The following ZNF253 variants were observed in gnomAD, a reference collection of about 807,000 sequenced individuals.
The protein encoded by ZNF253 is zinc finger protein 253.
In ZNF253, 8 loss-of-function variants were observed where a neutral mutation model predicts 11.9. That is an observed-to-expected ratio of 0.67 (90% CI 0.40 to 1.22). The LOEUF is 1.22. Among genes scored for constraint, ZNF253 ranks in the 50% most tolerant of loss-of-function variants. The probability of loss-of-function intolerance (pLI) is 0.01; values close to 1 mark genes in which losing one functional copy is unlikely to be tolerated. For synonymous variants in ZNF253, 194 were observed against 194.9 expected (o/e 1.00, Z 0.04); for missense variants, 485 against 586.9 (o/e 0.83, Z 1.79).
chr19:19,885,260 T>TGAGA (rs1568498646), intron 3 of ZNF253, among the ~76,000 whole-genome samples: 1 of 67,998 alleles, frequency 1.5e-5, no homozygotes, highest in African/African-American at 2.0e-4. Context: ...TCTTTCTTTC[T>TGAGA]TTCTTTCTTT....
chr19:19,891,344 A>G, intron 3 of ZNF253, 130 bp from the exon 4 acceptor site: 1 of 754,920 alleles, frequency 1.3e-6, no homozygotes, highest in Non-Finnish European at 2.1e-6. Flanking sequence ...TCCAGGAAGA[A>G]ATCAGAACTG....
At chr19:19,869,146 A>G (rs894394662) in intron 1 of ZNF253, among the ~76,000 whole-genome samples, 2 of 152,216 alleles carry the variant, frequency 1.3e-5, no homozygotes, top group African/African-American at 4.8e-5. Context: ...AAATTTAGCA[A>G]TGCAGAATGC....
chr19:19,872,137 T>C (rs1397819498), intron 1 of ZNF253, among the ~76,000 whole-genome samples: 1 of 152,164 alleles, frequency 6.6e-6, no homozygotes, highest in Non-Finnish European at 1.5e-5. Flanking sequence ...GAATGACTCT[T>C]GCATCTTCAG....
At chr19:19,882,815 C>T (rs909288487) in intron 3 of ZNF253, among the ~76,000 whole-genome samples, 3 of 151,256 alleles carry the variant, frequency 2.0e-5, no homozygotes, top group African/African-American at 7.3e-5. Context: ...ACTAAAAATA[C>T]AAAAAATTAG....
At chr19:19,889,968 T>C (rs2063221832) in intron 3 of ZNF253, among the ~76,000 whole-genome samples, 1 of 152,248 alleles carries the variant, frequency 6.6e-6, no homozygotes, top group Non-Finnish European at 1.5e-5. Context: ...TTTTAAAAAT[T>C]ACTTTATTCA....
Position 19,886,623 on chromosome 19 carries a change from C to T in ZNF253, c.227-4851C>T, listed in dbSNP as rs555033959. On this transcript the variant is annotated intron_variant, in intron 3 of 3. Transcript: ENST00000589717. ...CATTAAAAGAACCTGGGTCCTTCACCTCACACTTGCTCTGTCTCTTACCAT... is the reference window on the plus strand; with the variant it reads ...CATTAAAAGAACCTGGGTCCTTCACTTCACACTTGCTCTGTCTCTTACCAT... Among the ~76,000 whole-genome samples the T allele has an allele frequency of 9.2e-5, 14 of 152,266 alleles. No homozygotes were observed. In the East Asian group the frequency reaches 2.7e-3, roughly 29 times the overall value.
rs2063164765 is a variant in ZNF253 at position 19,878,504 on chromosome 19, G to A, written c.27G>A (p.Val9=). 2.5e-6 allele frequency: 4 copies of A among 1,613,944 alleles called. No homozygotes were observed. The highest frequency in any genetic ancestry group is 1.1e-5 in the South Asian group (1 of 91,082). The change falls in exon 2 of 4, where the codon GTG becomes GTA. Residue 9 remains valine, a synonymous_variant. Transcript: ENST00000589717. The stretch of plus-strand genomic sequence containing the variant: ...AGGGACCATTGCAATTTAGAGATGT[G>A]GCCATAGAATTCTCTCTGGAGGAGT... MGPLQFRD[V]AIEFSLEEWH... is the part of the protein sequence containing the mutation.
At chr19:19,880,221 T>A in intron 3 of ZNF253, 75 bp downstream of exon 3, 1 of 1,102,936 alleles carries the variant, frequency 9.1e-7, no homozygotes, top group Non-Finnish European at 1.3e-6. Context: ...AACCAGTCTT[T>A]AAAATGTGAT....
chr19:19,891,565 A>G lies in ZNF253; in HGVS notation c.318A>G (p.Arg106=), dbSNP rs1440355967. 1 of 1,614,142 alleles carries G rather than the reference A, an allele frequency of 6.2e-7. No homozygotes were observed. Among genetic ancestry groups the G allele is most frequent in the East Asian group, 2.2e-5 (1 of 44,860 alleles). Residue 106 remains arginine, a synonymous_variant, in exon 4 of 4, where the codon AGA becomes AGG. Transcript: ENST00000589717. Reference sequence around the variant, plus strand: ...TGCTGAGAAGATATGAAGAATGCAGACATGACAATTTACAGTTAAAAAAAG... The same window carrying G: ...TGCTGAGAAGATATGAAGAATGCAGGCATGACAATTTACAGTTAAAAAAAG... ...IGMLRRYEEC[R]HDNLQLKKGC...
intron 1 of ZNF253, among the ~76,000 whole-genome samples, chr19:19,867,642 TAC>T (rs1390704046): frequency 6.6e-6 from 1 of 152,260 alleles, no homozygotes; most frequent in Non-Finnish European, 1.5e-5. Flanking sequence ...GTGCTGGGAT[TAC>T]AGGCATGAGC....
At chr19:19,866,468 G>T (rs2063111402) in intron 1 of ZNF253, among the ~76,000 whole-genome samples, 2 of 151,714 alleles carry the variant, frequency 1.3e-5, no homozygotes, top group African/African-American at 4.8e-5. Flanking sequence ...CGTCCGACCT[G>T]ATCGCAAGAG....
intron 1 of ZNF253, among the ~76,000 whole-genome samples, 173 bp from the exon 2 acceptor site, chr19:19,878,306 CAG>C (rs1355476699): frequency 7.0e-6 from 1 of 142,702 alleles, no homozygotes; most frequent in East Asian, 3.0e-4. Context: ...TCTTTTTTCT[CAG>C]AGTTAGAGGA....
At chr19:19,876,267 G>A (rs1482665553) in intron 1 of ZNF253, among the ~76,000 whole-genome samples, 2 of 150,198 alleles carry the variant, frequency 1.3e-5, no homozygotes, top group Admixed American at 1.3e-4. Flanking sequence ...TACATAAAGT[G>A]GAGTCAAAAT....
chr19:19,892,985 C>CTT lies in ZNF253; in HGVS notation c.*246_*247dup, dbSNP rs60363472. ...TAAACCTATAACAAGTTCTCAATTC[C>CTT]TTTTTTTTTGAGATGGAGTTTCACT... On this transcript the variant is annotated 3_prime_UTR_variant, in exon 4 of 4. Transcript: ENST00000589717. 9.6e-3 allele frequency: 4,028 copies of CTT among 420,380 alleles called. No homozygotes were observed. The highest frequency in any genetic ancestry group is 0.046 in the East Asian group (1,023 of 22,046). The allele number at this position is 420,380 out of a possible 1,614,324, so 26.0% of individuals were successfully genotyped here. A position where few individuals can be genotyped will look rare whatever the true frequency, so the allele number is the denominator to read the frequency against.
At chr19:19,884,086 A>C (rs914163980) in intron 3 of ZNF253, among the ~76,000 whole-genome samples, 1 of 151,714 alleles carries the variant, frequency 6.6e-6, no homozygotes, top group East Asian at 1.9e-4. Context: ...GATACCTCAT[A>C]TAAGTGGAAT....
intron 3 of ZNF253, among the ~76,000 whole-genome samples, chr19:19,885,970 G>A (rs1013525136): frequency 6.6e-6 from 1 of 152,114 alleles, no homozygotes; most frequent in Non-Finnish European, 1.5e-5. Context: ...AACACACAGT[G>A]TATAATTTTA....
In ZNF253 at chr19:19,894,146, T is replaced by C. The variant is rs1009260280; in HGVS notation, c.*1399T>C. 6.6e-6 allele frequency: 1 copy of C among 152,232 alleles called. No homozygotes were observed. Among genetic ancestry groups the C allele is most frequent in the African/African-American group, 2.4e-5 (1 of 41,464 alleles). The allele number at this position is 152,232 out of a possible 1,614,324, so 9.4% of individuals were successfully genotyped here. A position where few individuals can be genotyped will look rare whatever the true frequency, so the allele number is the denominator to read the frequency against. ...TCAGAATGTTCAGTATAAAAACTAA[T>C]CCACAGCTACAGCTGTTAGATAAAT... On this transcript the variant is annotated 3_prime_UTR_variant, in exon 4 of 4. Coordinates refer to ENST00000589717, the MANE Select transcript of ZNF253 (RefSeq NM_021047.3).
intron 3 of ZNF253, among the ~76,000 whole-genome samples, chr19:19,891,007 A>ATTTTTTTTTTTT (rs1568501169): frequency 5.3e-5 from 8 of 149,812 alleles, no homozygotes; most frequent in African/African-American, 2.0e-4. Flanking sequence ...TGTCTGGCTA[A>ATTTTTTTTTTTT]TTTTTTGTAT....
chr19:19,890,557 T>G (rs1422039696), intron 3 of ZNF253, among the ~76,000 whole-genome samples: 1 of 151,372 alleles, frequency 6.6e-6, no homozygotes, highest in Non-Finnish European at 1.5e-5. Flanking sequence ...AGTCTCACTC[T>G]CTTACCTAGG....
Sources: gnomAD v4.1 joint callset for allele counts (sites outside exome capture counted in the v4.1 genomes callset) on GRCh38, gnomAD v4.1.1 for gene constraint, MANE v1.5 for transcripts, NCBI Gene and HGNC (gene_info 2026-07-23, HGNC 2026-07-21) for gene names.